The following CFAP299 variants were observed in gnomAD, a reference collection of about 807,000 sequenced individuals.
The protein encoded by CFAP299 is cilia and flagella associated protein 299.
In CFAP299, 21 loss-of-function variants were observed where a neutral mutation model predicts 27.0. The ratio of observed to expected loss-of-function variants is 0.78; its 90% CI spans 0.55 to 1.12. The LOEUF (loss-of-function observed/expected upper bound fraction) is 1.12, where lower values mean the gene tolerates loss of function less well. Among genes scored for constraint, CFAP299 ranks in the 50% most tolerant of loss-of-function variants. The pLI, the probability that CFAP299 is intolerant of heterozygous loss-of-function variation, is 0.00. For synonymous variants in CFAP299, 104 were observed against 98.1 expected (o/e 1.06, Z -0.36); for missense variants, 310 against 276.6 (o/e 1.12, Z -0.86).
At chr4:80,887,830 A>G (rs991624355) in intron 4 of CFAP299, among the ~76,000 whole-genome samples, 2 of 152,122 alleles carry the variant, frequency 1.3e-5, no homozygotes, top group African/African-American at 4.8e-5. Flanking sequence ...AAGTGGGAGG[A>G]TGAAGTTAAG....
At chr4:80,815,745 G>T (rs1239200928) in intron 3 of CFAP299, among the ~76,000 whole-genome samples, 4 of 151,774 alleles carry the variant, frequency 2.6e-5, no homozygotes, top group Non-Finnish European at 5.9e-5. Context: ...GCAAGCAGCA[G>T]AATGATATAT....
intron 5 of CFAP299, among the ~76,000 whole-genome samples, chr4:80,962,064 T>G (rs529021201): frequency 6.6e-6 from 1 of 152,078 alleles, no homozygotes; most frequent in African/African-American, 2.4e-5. Context: ...TACTGGGGAT[T>G]TACCTTTGGG....
At chr4:80,671,653 T>G (rs1741490766) in intron 3 of CFAP299, among the ~76,000 whole-genome samples, 1 of 152,240 alleles carries the variant, frequency 6.6e-6, no homozygotes, top group Non-Finnish European at 1.5e-5. Flanking sequence ...CATTTGTTTG[T>G]GTCCTCTTTT....
At chr4:80,598,820 A>C (rs568585038) in intron 3 of CFAP299, among the ~76,000 whole-genome samples, 22 of 152,286 alleles carry the variant, frequency 1.4e-4, no homozygotes, top group Non-Finnish European at 2.4e-4. Context: ...GTTTCCTCAG[A>C]TTTTCAAGCA....
At chr4:80,458,883 G>A (rs1414574446) in intron 2 of CFAP299, among the ~76,000 whole-genome samples, 1 of 152,030 alleles carries the variant, frequency 6.6e-6, no homozygotes, top group East Asian at 1.9e-4. Context: ...GGCCCTCCTG[G>A]GATTGAACTT....
intron 3 of CFAP299, among the ~76,000 whole-genome samples, chr4:80,708,823 TTTTA>T (rs1271721011): frequency 6.6e-6 from 1 of 152,120 alleles, no homozygotes; most frequent in Non-Finnish European, 1.5e-5. Context: ...AAATGCAAAC[TTTTA>T]GTTACCAATA....
chr4:80,325,678 G>GA, the CFAP299 span, among the ~76,000 whole-genome samples: 1 of 152,094 alleles, frequency 6.6e-6, no homozygotes. Flanking sequence ...CATGTTTTTG[G>GA]AAAATTTAAT....
intron 3 of CFAP299, among the ~76,000 whole-genome samples, chr4:80,648,525 C>T (rs1247120477): frequency 6.6e-6 from 1 of 152,062 alleles, no homozygotes; most frequent in African/African-American, 2.4e-5. Context: ...TCATTTCACT[C>T]CTCTTTCGTG....
At chr4:80,341,567 G>C (rs1037373758) in intron 1 of CFAP299, among the ~76,000 whole-genome samples, 3 of 152,128 alleles carry the variant, frequency 2.0e-5, no homozygotes, top group African/African-American at 7.2e-5. Flanking sequence ...GGTCTGCAGT[G>C]ATCCCCCAAC....
intron 3 of CFAP299, among the ~76,000 whole-genome samples, chr4:80,595,983 A>G (rs12233833): frequency 0.11 from 17,404 of 152,164 alleles, 1,147 homozygotes; most frequent in South Asian, 0.23. Flanking sequence ...CATCATACCT[A>G]TTAGTCTTTG....
chr4:80,813,940 A>G (rs925345048), intron 3 of CFAP299, among the ~76,000 whole-genome samples: 2 of 152,006 alleles, frequency 1.3e-5, no homozygotes, highest in Admixed American at 1.3e-4. Flanking sequence ...ATTTATTATT[A>G]TTGGTAAATA....
intron 4 of CFAP299, among the ~76,000 whole-genome samples, chr4:80,887,384 G>A (rs1734023524): frequency 6.6e-6 from 1 of 152,154 alleles, no homozygotes; most frequent in South Asian, 2.1e-4. Context: ...TCTGGAAGCA[G>A]ACTTCTCAGT....
intron 3 of CFAP299, among the ~76,000 whole-genome samples, chr4:80,702,557 A>G (rs1007700752): frequency 6.6e-5 from 10 of 151,820 alleles, no homozygotes; most frequent in African/African-American, 2.2e-4. Flanking sequence ...AGACCATACA[A>G]CTATTTATAT....
rs115840911 is a variant in CFAP299, at chr4:80,791,266, G to A, written c.334-78727G>A. On this transcript the variant is annotated intron_variant, in intron 3 of 5. Coordinates refer to ENST00000358105, the MANE Select transcript of CFAP299 (RefSeq NM_152770.3). ...AAGTTCAGGAAAAATATATAAATCT[G>A]TGGTCTTTAAGGTCATATAGAGTAG... Among the ~76,000 whole-genome samples the A allele has an allele frequency of 2.8e-3, 429 of 152,010 alleles. 3 individuals are homozygous for A. Among genetic ancestry groups the A allele is most frequent in the African/African-American group, 9.8e-3 (406 of 41,508 alleles).
chr4:80,862,092 A>G (rs1190760165), intron 3 of CFAP299, among the ~76,000 whole-genome samples: 1 of 152,184 alleles, frequency 6.6e-6, no homozygotes, highest in East Asian at 1.9e-4. Flanking sequence ...CCATTTAGTC[A>G]GGTGCAGTGG....
At chr4:80,946,383 T>C (rs768491107) in intron 5 of CFAP299, among the ~76,000 whole-genome samples, 3 of 152,104 alleles carry the variant, frequency 2.0e-5, no homozygotes, top group Non-Finnish European at 4.4e-5. Flanking sequence ...CAAAACATAA[T>C]GCCTGGATGG....
chr4:80,902,323 G>T (rs1408276589), intron 4 of CFAP299, among the ~76,000 whole-genome samples: 1 of 144,756 alleles, frequency 6.9e-6, no homozygotes, highest in Non-Finnish European at 1.5e-5. Flanking sequence ...ATATATATAT[G>T]GATTATTATT....
chr4:80,882,530 C>T (rs79867212), intron 4 of CFAP299, among the ~76,000 whole-genome samples: 1 of 151,846 alleles, frequency 6.6e-6, no homozygotes, highest in Non-Finnish European at 1.5e-5. Context: ...CCCAGCTACT[C>T]CGGAGGCTGA....
At chr4:80,910,475 T>C (rs773321615) in intron 4 of CFAP299, among the ~76,000 whole-genome samples, 2 of 152,150 alleles carry the variant, frequency 1.3e-5, no homozygotes, top group Non-Finnish European at 2.9e-5. Flanking sequence ...ATATATACCA[T>C]GGAATACTAT....
Sources: allele counts gnomAD v4.1 joint callset (sites outside exome capture counted in the v4.1 genomes callset), GRCh38; gene constraint gnomAD v4.1.1; transcripts MANE v1.5; gene names NCBI Gene and HGNC (gene_info 2026-07-23, HGNC 2026-07-21).